MECOM: variants seen among roughly 807,000 people sequenced by gnomAD.
MECOM encodes histone-lysine N-methyltransferase MECOM.
Under a neutral mutation model 116.3 loss-of-function variants are expected in MECOM, and 13 were observed. The observed-to-expected ratio is 0.11, with a 90% CI of 0.07 to 0.18. MECOM has a LOEUF of 0.18. Ranked by LOEUF, MECOM falls within the 10% of genes least tolerant of loss-of-function variation. The pLI, the probability that MECOM is intolerant of heterozygous loss-of-function variation, is 1.00. For missense variants in MECOM, 1,299 were observed against 1,509.0 expected (o/e 0.86, Z 2.31); for synonymous variants, 528 against 535.2 (o/e 0.99, Z 0.19).
At chr3:169,479,336 T>A (rs1295713997) in intron 1 of MECOM, among the ~76,000 whole-genome samples, 1 of 150,930 alleles carries the variant, frequency 6.6e-6, no homozygotes, top group Non-Finnish European at 1.5e-5. Flanking sequence ...AAGGGAGGCG[T>A]CTAGGAACAG....
chr3:169,366,588 C>T (rs948710313), intron 2 of MECOM, among the ~76,000 whole-genome samples: 4 of 151,970 alleles, frequency 2.6e-5, no homozygotes, highest in Admixed American at 6.6e-5. Flanking sequence ...AGTAGTGTTG[C>T]GAGACCAACA....
At chr3:169,165,676 G>T (rs1263113323) in intron 2 of MECOM, among the ~76,000 whole-genome samples, 1 of 152,104 alleles carries the variant, frequency 6.6e-6, no homozygotes, top group Non-Finnish European at 1.5e-5. Flanking sequence ...CTGTATGCTA[G>T]TGACTTTTTT....
At chr3:169,616,555 G>A (rs1165284129) in intron 1 of MECOM, among the ~76,000 whole-genome samples, 1 of 152,118 alleles carries the variant, frequency 6.6e-6, no homozygotes, top group Non-Finnish European at 1.5e-5. Context: ...GGCGAGGCTA[G>A]TTTCAAACTC....
chr3:169,642,455 A>T (rs959040147), intron 1 of MECOM, among the ~76,000 whole-genome samples: 2 of 151,716 alleles, frequency 1.3e-5, no homozygotes, highest in Non-Finnish European at 2.9e-5. Flanking sequence ...TCAAAAAAAA[A>T]AAAAAAAGAA....
At chr3:169,408,023 T>C (rs926374654) in intron 1 of MECOM, among the ~76,000 whole-genome samples, 1 of 152,236 alleles carries the variant, frequency 6.6e-6, no homozygotes. Context: ...GGATATAGTG[T>C]GATTTCCATT....
chr3:169,164,203 GGTGGGTCT>G (rs1421443018), intron 2 of MECOM, among the ~76,000 whole-genome samples: 2 of 152,038 alleles, frequency 1.3e-5, no homozygotes, highest in African/African-American at 4.8e-5. Flanking sequence ...GAATTATGAG[GGTGGGTCT>G]GTCCTGCACC....
chr3:169,262,781 G>T (rs1444453585), intron 2 of MECOM, among the ~76,000 whole-genome samples: 2 of 152,006 alleles, frequency 1.3e-5, no homozygotes, highest in Non-Finnish European at 2.9e-5. Context: ...GAGGCAGCTA[G>T]CATTAATTAC....
At chr3:169,306,107 T>C (rs1013553822) in intron 2 of MECOM, among the ~76,000 whole-genome samples, 3 of 152,210 alleles carry the variant, frequency 2.0e-5, no homozygotes, top group Admixed American at 6.5e-5. Context: ...CTGATTTAAA[T>C]ATCTTTTATG....
chr3:169,622,453 T>C (rs1770866011), intron 1 of MECOM, among the ~76,000 whole-genome samples: 1 of 152,206 alleles, frequency 6.6e-6, no homozygotes, highest in Non-Finnish European at 1.5e-5. Flanking sequence ...TTCCAGCCAT[T>C]GGACTCCATG....
chr3:169,571,025 A>T (rs1452961817), intron 1 of MECOM, among the ~76,000 whole-genome samples: 1 of 152,170 alleles, frequency 6.6e-6, no homozygotes, highest in Non-Finnish European at 1.5e-5. Flanking sequence ...AGGGTATTCA[A>T]ATAGGAAAAA....
At chr3:169,120,877 A>G in intron 7 of MECOM, 179 bp downstream of exon 7, 1 of 544,858 alleles carries the variant, frequency 1.8e-6, no homozygotes. Context: ...TCAAGGACAA[A>G]ATACCATGGA....
intron 1 of MECOM, among the ~76,000 whole-genome samples, chr3:169,545,666 A>C (rs1349516677): frequency 6.6e-6 from 1 of 152,220 alleles, no homozygotes; most frequent in Non-Finnish European, 1.5e-5. Context: ...CACAATAAGA[A>C]GACATCTCTG....
intron 1 of MECOM, among the ~76,000 whole-genome samples, chr3:169,596,873 A>T: frequency 6.6e-6 from 1 of 152,100 alleles, no homozygotes; most frequent in Non-Finnish European, 1.5e-5. Context: ...ACTATATTTT[A>T]TGAATATAAA....
intron 11 of MECOM, 139 bp downstream of exon 11, chr3:169,101,921 A>C: frequency 1.5e-6 from 1 of 689,200 alleles, no homozygotes; most frequent in Non-Finnish European, 2.2e-6. Flanking sequence ...CTAAATGAAG[A>C]ACACTTTGAA....
At chr3:169,579,775 C>T (rs1560456377) in intron 1 of MECOM, among the ~76,000 whole-genome samples, 1 of 152,184 alleles carries the variant, frequency 6.6e-6, no homozygotes. Flanking sequence ...ACCACCTATA[C>T]ACGGGTTAAG....
In MECOM at chr3:169,112,872, A is replaced by T. The variant is rs200965422; in HGVS notation, c.2492T>A (p.Val831Glu). Residue 831 changes from valine to glutamate, a missense_variant and splice_region_variant, in exon 9 of 17, where the codon GTA (valine) becomes GAA (glutamate). Coordinates refer to ENST00000651503, the MANE Select transcript of MECOM (RefSeq NM_004991.4). ...TPFFMDPIYRVEKRKLTDPLE... is the reference protein window; with the variant it reads ...TPFFMDPIYREEKRKLTDPLE... ...TGGGTCAGTTAGTTTTCTTTTCTCT[A>T]CTCTGAAAGGTTAAAATTAGATTTT... 2.5e-6 allele frequency: 4 copies of T among 1,608,558 alleles called. No individual in the cohort carries two copies. Among genetic ancestry groups the T allele is most frequent in the Non-Finnish European group, 3.4e-6 (4 of 1,176,094 alleles).
At chr3:169,282,038 G>A (rs1712167293) in intron 2 of MECOM, among the ~76,000 whole-genome samples, 1 of 152,074 alleles carries the variant, frequency 6.6e-6, no homozygotes, top group African/African-American at 2.4e-5. Flanking sequence ...GAATAACAAT[G>A]TTAAGCACTG....
intron 2 of MECOM, among the ~76,000 whole-genome samples, chr3:169,291,599 T>G (rs1205403873): frequency 6.6e-6 from 1 of 152,138 alleles, no homozygotes; most frequent in East Asian, 1.9e-4. Context: ...CCTCATAAAC[T>G]AAGTTAAAAT....
chr3:169,245,336 G>C (rs928780763), intron 2 of MECOM, among the ~76,000 whole-genome samples: 6 of 152,070 alleles, frequency 3.9e-5, no homozygotes, highest in African/African-American at 1.4e-4. Flanking sequence ...ATTCAAACCA[G>C]AGACATTAGC....
Sources: gnomAD v4.1 joint callset for allele counts (sites outside exome capture counted in the v4.1 genomes callset) on GRCh38, gnomAD v4.1.1 for gene constraint, MANE v1.5 for transcripts, NCBI Gene and HGNC (gene_info 2026-07-23, HGNC 2026-07-21) for gene names.